The following NCAM2 variants were observed in gnomAD, a reference collection of about 807,000 sequenced individuals.
NCAM2 encodes the protein N-CAM-2.
In NCAM2, 30 loss-of-function variants were observed where a neutral mutation model predicts 98.1. The observed-to-expected ratio is 0.31, with a 90% CI of 0.23 to 0.41. The LOEUF (loss-of-function observed/expected upper bound fraction) is 0.41, where lower values mean the gene tolerates loss of function less well. NCAM2 is among the 10% of genes least tolerant of loss of function. The pLI is 1.00. For missense variants in NCAM2, 867 were observed against 1,005.8 expected (o/e 0.86, Z 1.87); for synonymous variants, 368 against 342.4 (o/e 1.07, Z -0.83).
chr21:21,364,254 G>T (rs1046220252), intron 8 of NCAM2, among the ~76,000 whole-genome samples: 2 of 151,670 alleles, frequency 1.3e-5, no homozygotes, highest in Admixed American at 6.6e-5. Flanking sequence ...AATAAATATA[G>T]GCATATTTAT....
chr21:21,030,260 T>G (rs903862112), intron 1 of NCAM2, among the ~76,000 whole-genome samples: 2 of 152,204 alleles, frequency 1.3e-5, no homozygotes, highest in Non-Finnish European at 2.9e-5. Context: ...ATGAAAGCAA[T>G]TCTCAGAAAT....
intron 1 of NCAM2, among the ~76,000 whole-genome samples, chr21:21,051,323 C>T (rs13047099): frequency 0.29 from 44,444 of 152,074 alleles, 7,057 homozygotes; most frequent in Non-Finnish European, 0.37. Context: ...CTTCCCAATT[C>T]TGCATCTTCG....
intron 1 of NCAM2, among the ~76,000 whole-genome samples, chr21:21,230,814 T>C (rs1158322219): frequency 1.3e-5 from 2 of 151,364 alleles, no homozygotes; most frequent in African/African-American, 4.8e-5. Context: ...GCATAAAATA[T>C]ACTTAGGTCT....
intron 12 of NCAM2, among the ~76,000 whole-genome samples, chr21:21,456,948 T>C (rs1451113260): frequency 1.3e-5 from 2 of 152,294 alleles, no homozygotes; most frequent in East Asian, 1.9e-4. Context: ...TGTGAGAAAT[T>C]TCTCTTGTTT....
At chr21:21,142,480 G>T (rs1487656432) in intron 1 of NCAM2, among the ~76,000 whole-genome samples, 2 of 140,786 alleles carry the variant, frequency 1.4e-5, no homozygotes, top group Non-Finnish European at 3.0e-5. Flanking sequence ...CTGGGTTCAC[G>T]CCATTCTCCT....
intron 16 of NCAM2, among the ~76,000 whole-genome samples, chr21:21,532,451 A>G (rs949318880): frequency 1.3e-5 from 2 of 152,044 alleles, no homozygotes; most frequent in African/African-American, 4.8e-5. Context: ...TGTAAAGGCT[A>G]CTAACTAACC....
chr21:21,500,936 A>G (rs536168913), intron 15 of NCAM2, among the ~76,000 whole-genome samples: 67 of 152,216 alleles, frequency 4.4e-4, no homozygotes, highest in African/African-American at 1.4e-3. Context: ...GAAGAACATT[A>G]TGAATACAGT....
intron 1 of NCAM2, among the ~76,000 whole-genome samples, chr21:21,120,648 G>T (rs2066652140): frequency 6.6e-6 from 1 of 151,966 alleles, no homozygotes; most frequent in African/African-American, 2.4e-5. Context: ...AACACAGAGA[G>T]GAAGATTACT....
At chr21:21,105,974 G>A (rs2066336115) in intron 1 of NCAM2, among the ~76,000 whole-genome samples, 2 of 151,986 alleles carry the variant, frequency 1.3e-5, no homozygotes, top group Admixed American at 1.3e-4. Flanking sequence ...AAGAGGGTAT[G>A]TTTATCATTA....
At chr21:21,251,977 G>A (rs1037022220) in intron 1 of NCAM2, among the ~76,000 whole-genome samples, 1 of 152,004 alleles carries the variant, frequency 6.6e-6, no homozygotes, top group Non-Finnish European at 1.5e-5. Context: ...CATTGCCTAT[G>A]CCTATGTCCT....
rs1271037482 is a variant in NCAM2 at position 21,540,895 on chromosome 21, G to A, written c.*2938G>A. ...TGTGTCAACATATTTTACAATGATT[G>A]TCAAAGGAATTTAAGAATTGTATTT... On this transcript the variant is annotated 3_prime_UTR_variant, in exon 18 of 18. Coordinates refer to ENST00000400546, the MANE Select transcript of NCAM2 (RefSeq NM_004540.5). The A allele has an allele frequency of 6.6e-6, 1 of 151,888 alleles. No individual in the cohort carries two copies. Among genetic ancestry groups the A allele is most frequent in the Non-Finnish European group, 1.5e-5 (1 of 67,852 alleles). The allele number at this position is 151,888 out of a possible 1,614,324, so 9.4% of individuals were successfully genotyped here.
Position 21,123,848 on chromosome 21 carries a change from C to CTTTTTTTTTTTTTTTTT in NCAM2, c.55+125231_55+125247dup, listed in dbSNP as rs71193401. Among the ~76,000 whole-genome samples the CTTTTTTTTTTTTTTTTT allele has an allele frequency of 5.7e-4, 49 of 86,660 alleles. 5 individuals carry two copies. The highest frequency in any genetic ancestry group is 8.1e-4 in the Non-Finnish European group (40 of 49,650). The allele number at this position is 86,660 out of a possible 152,430, so 56.9% of individuals were successfully genotyped here. On this transcript the variant is annotated intron_variant, in intron 1 of 17. Coordinates refer to ENST00000400546, the MANE Select transcript of NCAM2 (RefSeq NM_004540.5). ...GCACATTTGAATTCATTCTTGATTG[C>CTTTTTTTTTTTTTTTTT]TTTTTTTTTTTTTTTTTGAGACGGA...
At chr21:21,301,037 A>G (rs1312776815) in intron 5 of NCAM2, among the ~76,000 whole-genome samples, 1 of 151,958 alleles carries the variant, frequency 6.6e-6, no homozygotes, top group Admixed American at 6.6e-5. Context: ...TCTTCTTTTG[A>G]GAAGTATTTG....
At chr21:21,007,502 T>C (rs574271123) in intron 1 of NCAM2, among the ~76,000 whole-genome samples, 4 of 152,210 alleles carry the variant, frequency 2.6e-5, no homozygotes, top group African/African-American at 9.6e-5. Flanking sequence ...CATTATATGC[T>C]AAACGAGTGG....
At position 21,410,363 on chromosome 21, in the gene NCAM2, C is replaced by A; in HGVS notation, c.1285C>A (p.Pro429Thr). 1.2e-6 allele frequency: 2 copies of A among 1,601,228 alleles called. No individual in the cohort carries two copies. Among genetic ancestry groups the A allele is most frequent in the South Asian group, 2.2e-5 (2 of 89,336 alleles). Residue 429 changes from proline to threonine, a missense_variant, in exon 10 of 18, where the codon CCA becomes ACA. Around this residue, in one of 5 missense-constraint regions of NCAM2, gnomAD observed 56 missense variants for 39.6 expected, o/e 1.41. Transcript: ENST00000400546. ...AAGTTGTGATGTGAAATCGAATCCACCAGCATCAATTCACTGGAGAAGAGA... is the reference window on the plus strand; with the variant it reads ...AAGTTGTGATGTGAAATCGAATCCAACAGCATCAATTCACTGGAGAAGAGA... ...NISCDVKSNP[P>T]ASIHWRRDKL... is the part of the protein sequence containing the mutation.
intron 1 of NCAM2, among the ~76,000 whole-genome samples, chr21:21,054,799 G>A (rs1470211504): frequency 6.6e-6 from 1 of 152,004 alleles, no homozygotes; most frequent in Non-Finnish European, 1.5e-5. Context: ...AATCTGAACA[G>A]TGTGCTGCTT....
chr21:21,075,653 G>T (rs1199882455), intron 1 of NCAM2, among the ~76,000 whole-genome samples: 1 of 152,176 alleles, frequency 6.6e-6, no homozygotes, highest in Middle Eastern at 3.4e-3. Context: ...GGTTTGCAAA[G>T]AATTTGTGGG....
chr21:21,118,331 GC>G (rs933325322), intron 1 of NCAM2, among the ~76,000 whole-genome samples: 5 of 152,174 alleles, frequency 3.3e-5, no homozygotes, highest in African/African-American at 9.6e-5. Context: ...CAAAGATGCA[GC>G]GGGGGGGCAG....
intron 5 of NCAM2, among the ~76,000 whole-genome samples, chr21:21,307,066 TGG>T (rs1491456853): frequency 5.9e-3 from 1 of 170 alleles, no homozygotes; most frequent in Non-Finnish European, 0.014. Flanking sequence ...TGTACAGTTG[TGG>T]TTTTTTAATC....
Sources: gnomAD v4.1 joint callset for allele counts (sites outside exome capture counted in the v4.1 genomes callset) on GRCh38, gnomAD v4.1.1 for gene constraint, gnomAD v4.1.1 regional missense constraint, MANE v1.5 for transcripts, NCBI Gene and HGNC (gene_info 2026-07-23, HGNC 2026-07-21) for gene names.